U2AF2: variants seen among roughly 807,000 people sequenced by gnomAD.
The protein encoded by U2AF2 is U2 small nuclear RNA auxiliary factor 2, also known as splicing factor U2AF 65 kDa subunit.
In U2AF2, 6 loss-of-function variants were observed where a neutral mutation model predicts 52.6. That is an observed-to-expected ratio of 0.11 (90% CI 0.06 to 0.23). The LOEUF (loss-of-function observed/expected upper bound fraction) is 0.23. Ranked by LOEUF, U2AF2 falls within the 10% of genes least tolerant of loss-of-function variation. U2AF2 has a pLI of 1.00. For synonymous variants in U2AF2, 284 were observed against 258.2 expected, an observed-to-expected ratio of 1.10 and a Z score of -0.96; for missense variants, 222 against 677.1, an observed-to-expected ratio of 0.33 and a Z score of 7.46.
Position 55,668,562 on chromosome 19 carries a change from A to G in U2AF2, c.798A>G (p.Leu266=). 6.2e-7 allele frequency: 1 copy of G among 1,608,138 alleles called. No homozygotes were observed. Among genetic ancestry groups the G allele is most frequent in the East Asian group, 2.2e-5 (1 of 44,818 alleles). ...DSAHKLFIGG[L]PNYLNDDQVK... ...CCCACAAGCTGTTCATCGGGGGCTT[A>G]CCCAACTACCTGAACGATGACCAGG... is the stretch of plus-strand genomic sequence containing the variant. Residue 266 remains leucine (L), a synonymous_variant, in exon 8 of 12, where the codon TTA becomes TTG. Transcript: ENST00000308924. This position sits in a 1 kb window ranked among gnomAD's most constrained non-coding sequence, Gnocchi z 5.5.
In U2AF2 at chr19:55,668,036, C is replaced by T. The variant is rs1984657041; in HGVS notation, c.743-471C>T. On this transcript the variant is annotated intron_variant, in intron 7 of 11. Transcript: ENST00000308924. This position sits in a 1 kb window ranked among gnomAD's most constrained non-coding sequence, Gnocchi z 5.5. ...TGACCTTGTGATCTGCCCGCCTTGGCCTCCCAAAGTGCTGAGATTACAGGC... is the reference window on the plus strand; with the variant it reads ...TGACCTTGTGATCTGCCCGCCTTGGTCTCCCAAAGTGCTGAGATTACAGGC... Among the ~76,000 whole-genome samples, 1 of 152,088 alleles carries T rather than the reference C, an allele frequency of 6.6e-6. No homozygotes were observed.
chr19:55,664,225 A>G (rs187127561), intron 7 of U2AF2, among the ~76,000 whole-genome samples: 84 of 152,346 alleles, frequency 5.5e-4, no homozygotes, highest in African/African-American at 1.7e-3. Context: ...TGTGTTGAAC[A>G]TCATCTGTAA....
chr19:55,669,337 G>A, intron 10 of U2AF2, 107 bp from the exon 11 acceptor site: 1 of 1,543,656 alleles, frequency 6.5e-7, no homozygotes, highest in Non-Finnish European at 8.7e-7. Context: ...TGTTGGAAGT[G>A]GAGAGATGGC....
At position 55,674,324 on chromosome 19, in the gene U2AF2, A is replaced by T; in HGVS notation, c.*256A>T. The T allele has an allele frequency of 2.3e-6, 1 of 439,506 alleles. No individual in the cohort carries two copies. The highest frequency in any genetic ancestry group is 4.2e-6 in the Non-Finnish European group (1 of 240,950). 27.2% of individuals were successfully genotyped at this position (439,506 alleles called of 1,614,324 possible). A position where few individuals can be genotyped will look rare whatever the true frequency, so the allele number is the denominator to read the frequency against. On this transcript the variant is annotated 3_prime_UTR_variant, in exon 12 of 12. Transcript: ENST00000308924. Reference sequence around the variant, plus strand: ...ACGCACCCACACAGACACAGAGGGAAGGGGTTGGGATGGGGACAGGGTGCA... The same window carrying T: ...ACGCACCCACACAGACACAGAGGGATGGGGTTGGGATGGGGACAGGGTGCA...
At chr19:55,658,998 G>A in intron 1 of U2AF2, 1 of 623,260 alleles carries the variant, frequency 1.6e-6, no homozygotes, top group South Asian at 6.0e-5. Context: ...TACACCCCGG[G>A]GGCATTTCCA....
chr19:55,663,590 T>G lies in U2AF2; in HGVS notation c.604-16T>G. ...CCTGACCCCCATCCCTCACCACTCC[T>G]TTCTCTTTCATTCAGTTCCGCTCAG... On this transcript the variant is annotated splice_polypyrimidine_tract_variant and intron_variant, in intron 6 of 11. Coordinates refer to ENST00000308924, the MANE Select transcript of U2AF2 (RefSeq NM_007279.3). 6.2e-7 allele frequency: 1 copy of G among 1,612,296 alleles called. No homozygotes were observed. The highest frequency in any genetic ancestry group is 1.1e-5 in the South Asian group (1 of 90,924).
rs1426767091 is a variant in U2AF2 at position 55,664,468 on chromosome 19, T to A, written c.742+724T>A. Among the ~76,000 whole-genome samples the A allele has an allele frequency of 2.6e-5, 4 of 152,322 alleles. No individual in the cohort carries two copies. The East Asian group carries it at 7.7e-4, about 29-fold the overall frequency. ...GCCCTGTCAGCCCACAGGCTATAGTTGGCTGACCCTTGTAGCTGATGAATG... is the reference window on the plus strand; with the variant it reads ...GCCCTGTCAGCCCACAGGCTATAGTAGGCTGACCCTTGTAGCTGATGAATG... On this transcript the variant is annotated intron_variant, in intron 7 of 11. Transcript: ENST00000308924.
intron 6 of U2AF2, 146 bp downstream of exon 6, chr19:55,662,764 G>GTTATAGCA: frequency 1.4e-6 from 1 of 694,622 alleles, no homozygotes. Flanking sequence ...AGTGAGCCCT[G>GTTATAGCA]TTATAGCATT....
intron 7 of U2AF2, among the ~76,000 whole-genome samples, chr19:55,666,048 C>T (rs191873053): frequency 1.3e-5 from 2 of 152,278 alleles, no homozygotes; most frequent in South Asian, 2.1e-4. Context: ...GAATAGGAAC[C>T]GTGGGTTATG....
rs764798128 is a variant in U2AF2 at position 55,663,570 on chromosome 19, C to G, written c.604-36C>G. The G allele has an allele frequency of 3.7e-6, 6 of 1,606,750 alleles. No homozygotes were observed. The South Asian group carries it at 5.5e-5, about 15-fold the overall frequency. On this transcript the variant is annotated intron_variant, in intron 6 of 11. Transcript: ENST00000308924. ...CACTAGGGGCTGTACTAGTCCCTGA[C>G]CCCCATCCCTCACCACTCCTTTCTC...
rs1193371572 is a variant in U2AF2 at position 55,674,596 on chromosome 19, C to T, written c.*528C>T. On this transcript the variant is annotated 3_prime_UTR_variant, in exon 12 of 12. Transcript: ENST00000308924. ...GTTTCTTACGTAGTTGATTTTTCCTCTTTAGTCTCCCCCGACCTGCGCCCA... is the reference window on the plus strand; with the variant it reads ...GTTTCTTACGTAGTTGATTTTTCCTTTTTAGTCTCCCCCGACCTGCGCCCA... The T allele has an allele frequency of 6.5e-6, 1 of 153,774 alleles. No homozygotes were observed. The highest frequency in any genetic ancestry group is 2.4e-5 in the African/African-American group (1 of 41,422). The allele number at this position is 153,774 out of a possible 1,614,324, so 9.5% of individuals were successfully genotyped here. A position where few individuals can be genotyped will look rare whatever the true frequency, so the allele number is the denominator to read the frequency against.
At chr19:55,657,786 C>A (rs937692547) in intron 1 of U2AF2, among the ~76,000 whole-genome samples, 1 of 152,200 alleles carries the variant, frequency 6.6e-6, no homozygotes, top group Non-Finnish European at 1.5e-5. Context: ...GCTTAACTCA[C>A]TGATGTCAGA....
At chr19:55,655,314 G>C (rs1983708616) in intron 1 of U2AF2, among the ~76,000 whole-genome samples, 161 bp downstream of exon 1, 1 of 152,094 alleles carries the variant, frequency 6.6e-6, no homozygotes, top group Non-Finnish European at 1.5e-5. Flanking sequence ...CGTCCCCAGC[G>C]TTCCGCCGCG....
chr19:55,660,503 C>A lies in U2AF2; in HGVS notation c.231-13C>A. The A allele has an allele frequency of 9.2e-7, 1 of 1,087,912 alleles. No homozygotes were observed. The highest frequency in any genetic ancestry group is 1.4e-6 in the Non-Finnish European group (1 of 727,646). 67.4% of individuals were successfully genotyped at this position (1,087,912 alleles called of 1,614,324 possible). On this transcript the variant is annotated splice_polypyrimidine_tract_variant and intron_variant, in intron 3 of 11. Coordinates refer to ENST00000308924, the MANE Select transcript of U2AF2 (RefSeq NM_007279.3). ...GGTTGCCCTGCCCCGCTCTCCCCTC[C>A]CACCTCCCCCAGTCGTTCCCCCCGC...
intron 11 of U2AF2, among the ~76,000 whole-genome samples, chr19:55,670,063 G>A (rs182188832): frequency 5.9e-5 from 9 of 152,074 alleles, no homozygotes; most frequent in African/African-American, 1.7e-4. Flanking sequence ...GAAGAGTGCC[G>A]GGAACAGTCC....
rs1984286188 is a variant in U2AF2, at chr19:55,662,561, T to G, written c.546T>G (p.Pro182=). The G allele has an allele frequency of 6.6e-7, 1 of 1,519,728 alleles. No individual in the cohort carries two copies. The highest frequency in any genetic ancestry group is 1.4e-5 in the African/African-American group (1 of 69,338). The allele number at this position is 1,519,728 out of a possible 1,614,324, so 94.1% of individuals were successfully genotyped here. ...QMRLGGLTQA[P]GNPVLAVQIN... is the part of the protein sequence containing the mutation. ...GCCTGGGGGGGCTGACCCAGGCCCC[T>G]GGCAACCCAGTGTTGGCTGTGCAGA... is the stretch of plus-strand genomic sequence containing the variant. Residue 182 remains proline, a synonymous_variant, in exon 6 of 12, where the codon CCT becomes CCG. Transcript: ENST00000308924.
intron 6 of U2AF2, 81 bp from the exon 7 acceptor site, chr19:55,663,525 A>G (rs932211738): frequency 1.4e-5 from 21 of 1,537,134 alleles, no homozygotes; most frequent in Non-Finnish European, 1.8e-5. Context: ...GAAAGGAAAG[A>G]GGAAATCCCA....
chr19:55,665,775 A>G (rs1017080894), intron 7 of U2AF2, among the ~76,000 whole-genome samples: 2 of 152,062 alleles, frequency 1.3e-5, no homozygotes, highest in African/African-American at 2.4e-5. Flanking sequence ...CAGCCTCCCG[A>G]GTAGCTGGGA....
rs757464479 is a variant in U2AF2 at position 55,655,086 on chromosome 19, C to G, written c.-19C>G. 23 of 1,605,912 alleles carry G rather than the reference C, an allele frequency of 1.4e-5. No individual in the cohort carries two copies. Among genetic ancestry groups the G allele is most frequent in the Middle Eastern group, 1.7e-4 (1 of 6,000 alleles). ...AGGCGAGGCGAAAGCTGCACAGGGC[C>G]CTACGCGGCCGCCTCAGCATGTCGG... On this transcript the variant is annotated 5_prime_UTR_variant, in exon 1 of 12. Coordinates refer to ENST00000308924, the MANE Select transcript of U2AF2 (RefSeq NM_007279.3).
Sources: gnomAD v4.1 joint callset for allele counts (sites outside exome capture counted in the v4.1 genomes callset) on GRCh38, gnomAD v4.1.1 for gene constraint, Gnocchi (gnomAD v3.1) non-coding constraint, MANE v1.5 for transcripts, NCBI Gene and HGNC (gene_info 2026-07-23, HGNC 2026-07-21) for gene names.